The following OR51B5 variants were observed in gnomAD, a reference collection of about 807,000 sequenced individuals.
OR51B5 encodes the protein olfactory receptor family 51 subfamily B member 5, also known as olfactory receptor 51B5.
For missense variants in OR51B5, 456 were observed against 374.6 expected (o/e 1.22, Z -1.79); for synonymous variants, 186 against 144.8 (o/e 1.28, Z -2.04).
chr11:5,377,553 T>C (rs1389094706), intron 1 of OR51B5, among the ~76,000 whole-genome samples: 2 of 152,100 alleles, frequency 1.3e-5, no homozygotes, highest in Non-Finnish European at 2.9e-5. Context: ...ATTGTATATC[T>C]AGAAAACCCC....
At chr11:5,343,837 C>G (rs1278263768), upstream of OR51B5, among the ~76,000 whole-genome samples, 1 of 152,180 alleles carries the variant, frequency 6.6e-6, no homozygotes, top group Non-Finnish European at 1.5e-5. Flanking sequence ...AACTGTTACC[C>G]TTAACTATGC....
intron 1 of OR51B5, among the ~76,000 whole-genome samples, chr11:5,398,359 G>C (rs61403181): frequency 0.025 from 3,872 of 152,128 alleles, 165 homozygotes; most frequent in African/African-American, 0.087. Flanking sequence ...TAATTACCTG[G>C]GTAATTGCTC....
intron 1 of OR51B5, chr11:5,391,046 T>G: frequency 6.6e-6 from 1 of 152,278 alleles, no homozygotes; most frequent in East Asian, 1.9e-4. Context: ...ACCTCAAGTC[T>G]GACATTAAGC....
chr11:5,395,946 G>A (rs943283578), intron 1 of OR51B5, among the ~76,000 whole-genome samples: 1 of 152,214 alleles, frequency 6.6e-6, no homozygotes, highest in Non-Finnish European at 1.5e-5. Flanking sequence ...GCTTCTAACT[G>A]TACTCCATTT....
intron 1 of OR51B5, among the ~76,000 whole-genome samples, chr11:5,372,138 C>T (rs1481120014): frequency 2.6e-5 from 4 of 152,086 alleles, no homozygotes; most frequent in African/African-American, 9.7e-5. Flanking sequence ...ATATACAGAC[C>T]TGTCACAATG....
intron 1 of OR51B5, among the ~76,000 whole-genome samples, chr11:5,477,919 G>A (rs1352407173): frequency 1.3e-5 from 2 of 151,858 alleles, no homozygotes; most frequent in Admixed American, 1.3e-4. Context: ...CTGCAAGGCA[G>A]CAGGGAGGCT....
At chr11:5,441,602 A>T in intron 1 of OR51B5, 1 of 997,394 alleles carries the variant, frequency 1.0e-6, no homozygotes, top group Non-Finnish European at 1.5e-6. Flanking sequence ...CTCCAACAAA[A>T]GGTCATAGAT....
intron 1 of OR51B5, among the ~76,000 whole-genome samples, chr11:5,356,370 G>C (rs1849195314): frequency 6.6e-6 from 1 of 151,760 alleles, no homozygotes; most frequent in South Asian, 2.1e-4. Flanking sequence ...GGAAGAAAGG[G>C]TATCAGTGAT....
intron 1 of OR51B5, among the ~76,000 whole-genome samples, chr11:5,457,915 T>A (rs1367684037): frequency 6.6e-6 from 1 of 152,180 alleles, no homozygotes; most frequent in African/African-American, 2.4e-5. Flanking sequence ...CTGTATGTTG[T>A]CTATTCAGTC....
intron 1 of OR51B5, among the ~76,000 whole-genome samples, chr11:5,397,143 G>T (rs1241144742): frequency 6.6e-6 from 1 of 152,130 alleles, no homozygotes; most frequent in African/African-American, 2.4e-5. Flanking sequence ...CATAGGCATG[G>T]GCATGGACTT....
At chr11:5,374,762 G>A (rs1413212863) in intron 1 of OR51B5, among the ~76,000 whole-genome samples, 4 of 152,100 alleles carry the variant, frequency 2.6e-5, no homozygotes, top group Admixed American at 1.3e-4. Context: ...ATGAAATGAA[G>A]CGAGAAGGGA....
intron 1 of OR51B5, among the ~76,000 whole-genome samples, chr11:5,398,971 C>T: frequency 6.6e-6 from 1 of 152,186 alleles, no homozygotes; most frequent in East Asian, 1.9e-4. Context: ...TCTGAAGCAG[C>T]ATTCAGGACT....
intron 1 of OR51B5, among the ~76,000 whole-genome samples, chr11:5,494,880 G>C (rs926178204): frequency 2.6e-5 from 4 of 152,152 alleles, no homozygotes; most frequent in African/African-American, 9.7e-5. Context: ...GAGAAACAGA[G>C]AACAGATAGG....
chr11:5,428,380 C>T (rs1564810447), intron 1 of OR51B5, among the ~76,000 whole-genome samples: 1 of 152,056 alleles, frequency 6.6e-6, no homozygotes, highest in Non-Finnish European at 1.5e-5. Flanking sequence ...AATGTACATA[C>T]ATTAAAAATA....
At chr11:5,503,742 G>A (rs372592552) in intron 1 of OR51B5, among the ~76,000 whole-genome samples, 14 of 152,104 alleles carry the variant, frequency 9.2e-5, no homozygotes, top group East Asian at 7.7e-4. Context: ...TGGTAATGAC[G>A]ACATTTCAGT....
intron 1 of OR51B5, among the ~76,000 whole-genome samples, chr11:5,349,086 C>A (rs1334968944): frequency 6.6e-6 from 1 of 152,124 alleles, no homozygotes; most frequent in East Asian, 1.9e-4. Context: ...AATAAAAACT[C>A]AAGTCTATTC....
chr11:5,453,985 T>A, intron 1 of OR51B5: 2 of 1,614,076 alleles, frequency 1.2e-6, no homozygotes, highest in East Asian at 2.2e-5. Flanking sequence ...ATTAAGAGGC[T>A]GCCTATCTGC....
intron 1 of OR51B5, among the ~76,000 whole-genome samples, chr11:5,374,822 A>G (rs1485305028): frequency 6.6e-6 from 1 of 152,144 alleles, no homozygotes; most frequent in Non-Finnish European, 1.5e-5. Context: ...TCCAAGAAAT[A>G]TGGGACTATG....
chr11:5,377,213 A>C (rs548551430), intron 1 of OR51B5, among the ~76,000 whole-genome samples: 30 of 152,298 alleles, frequency 2.0e-4, no homozygotes, highest in Non-Finnish European at 4.0e-4. Flanking sequence ...CAAAAACCAC[A>C]TGATTATCTC....
Sources: gnomAD v4.1 joint callset for allele counts (sites outside exome capture counted in the v4.1 genomes callset) on GRCh38, gnomAD v4.1.1 for gene constraint, MANE v1.5 for transcripts, NCBI Gene and HGNC (gene_info 2026-07-23, HGNC 2026-07-21) for gene names.